The following PDZRN4 variants were observed in gnomAD, a reference collection of about 807,000 sequenced individuals.
PDZRN4 encodes PDZ domain containing ring finger 4, also known as PDZ domain-containing RING finger protein 4.
PDZRN4 carries 70 observed loss-of-function variants against 99.0 expected under a neutral mutation model. The observed-to-expected ratio is 0.71, with a 90% CI of 0.58 to 0.86. PDZRN4 has a LOEUF of 0.86. PDZRN4 is among the 40% of genes least tolerant of loss of function. The probability of loss-of-function intolerance (pLI) is 0.00; values close to 1 mark genes in which losing one functional copy is unlikely to be tolerated. For synonymous variants in PDZRN4, 551 were observed against 501.6 expected, an observed-to-expected ratio of 1.10 and a Z score of -1.32; for missense variants, 1,474 against 1,331.2, an observed-to-expected ratio of 1.11 and a Z score of -1.67.
chr12:41,208,774 T>C (rs771964944), intron 3 of PDZRN4, among the ~76,000 whole-genome samples: 1 of 151,992 alleles, frequency 6.6e-6, no homozygotes, highest in Non-Finnish European at 1.5e-5. Flanking sequence ...GTAGAAGGCA[T>C]TATTAAGGAA....
At chr12:41,223,724 G>A (rs1229099789) in intron 3 of PDZRN4, among the ~76,000 whole-genome samples, 1 of 152,176 alleles carries the variant, frequency 6.6e-6, no homozygotes, top group Non-Finnish European at 1.5e-5. Context: ...GCTAGCAAGA[G>A]GCGGAAAGAA....
intron 5 of PDZRN4, among the ~76,000 whole-genome samples, chr12:41,527,934 C>T (rs1475987584): frequency 6.6e-6 from 1 of 152,178 alleles, no homozygotes. Context: ...GATATTCATT[C>T]CAGACCAGTC....
chr12:41,258,441 A>G (rs1353909855), intron 3 of PDZRN4, among the ~76,000 whole-genome samples: 1 of 152,142 alleles, frequency 6.6e-6, no homozygotes, highest in Non-Finnish European at 1.5e-5. Flanking sequence ...AATCTGGAGT[A>G]AGAGTCATTG....
chr12:41,435,320 C>A (rs1395644457), intron 3 of PDZRN4, among the ~76,000 whole-genome samples: 1 of 152,126 alleles, frequency 6.6e-6, no homozygotes, highest in Non-Finnish European at 1.5e-5. Flanking sequence ...ACTGCATTTA[C>A]AGAGAAGAGA....
At chr12:41,317,048 GTA>G (rs33919115) in intron 3 of PDZRN4, among the ~76,000 whole-genome samples, 12,480 of 69,500 alleles carry the variant, frequency 0.18, 1,552 homozygotes, top group African/African-American at 0.27. Context: ...CTTACATAAA[GTA>G]TATATATATA....
chr12:41,383,522 A>G (rs1000921782), intron 3 of PDZRN4, among the ~76,000 whole-genome samples: 1 of 152,232 alleles, frequency 6.6e-6, no homozygotes, highest in African/African-American at 2.4e-5. Context: ...AATGTTTCAA[A>G]GAACTTCAGA....
At chr12:41,550,863 T>A (rs1282354504) in intron 5 of PDZRN4, among the ~76,000 whole-genome samples, 1 of 152,152 alleles carries the variant, frequency 6.6e-6, no homozygotes, top group Non-Finnish European at 1.5e-5. Flanking sequence ...TTAAACAGGT[T>A]ATTATCCACT....
At chr12:41,559,704 G>A (rs556879761) in intron 7 of PDZRN4, among the ~76,000 whole-genome samples, 11 of 152,118 alleles carry the variant, frequency 7.2e-5, no homozygotes, top group African/African-American at 2.4e-4. Flanking sequence ...ACATAAACTC[G>A]TTGATATGGT....
chr12:41,279,678 A>G (rs1161041321), intron 3 of PDZRN4, among the ~76,000 whole-genome samples: 2 of 152,214 alleles, frequency 1.3e-5, no homozygotes, highest in Admixed American at 1.3e-4. Flanking sequence ...TAGAAATCAA[A>G]CATATTACTA....
At chr12:41,321,605 A>T (rs1324866591) in intron 3 of PDZRN4, among the ~76,000 whole-genome samples, 3 of 152,128 alleles carry the variant, frequency 2.0e-5, no homozygotes, top group Non-Finnish European at 2.9e-5. Flanking sequence ...TAATCTATTT[A>T]TTCAGCTCAC....
chr12:41,318,615 G>A (rs1377362250), intron 3 of PDZRN4, among the ~76,000 whole-genome samples: 2 of 152,140 alleles, frequency 1.3e-5, no homozygotes, highest in Admixed American at 6.5e-5. Flanking sequence ...AAGAGCATTT[G>A]TATCACACTT....
intron 3 of PDZRN4, among the ~76,000 whole-genome samples, chr12:41,417,808 T>A (rs1219411373): frequency 6.6e-6 from 1 of 152,156 alleles, no homozygotes; most frequent in Non-Finnish European, 1.5e-5. Context: ...ATACAGTGTA[T>A]GTTGGTTAAA....
chr12:41,551,516 T>G (rs1474030587), intron 5 of PDZRN4, among the ~76,000 whole-genome samples: 5 of 152,130 alleles, frequency 3.3e-5, no homozygotes, highest in African/African-American at 9.7e-5. Flanking sequence ...TACAAAAATC[T>G]CTGTGCATCT....
intron 3 of PDZRN4, among the ~76,000 whole-genome samples, chr12:41,227,026 C>T (rs140462849): frequency 1.7e-4 from 26 of 152,182 alleles, no homozygotes; most frequent in Middle Eastern, 3.4e-3. Context: ...GCATCTTAAA[C>T]GGATAACTTT....
intron 3 of PDZRN4, among the ~76,000 whole-genome samples, chr12:41,310,238 A>G (rs549464711): frequency 6.8e-6 from 1 of 147,454 alleles, no homozygotes; most frequent in African/African-American, 2.5e-5. Flanking sequence ...CAGCCTTGTG[A>G]GGAACTTTCA....
chr12:41,230,199 C>T (rs1180233439), intron 3 of PDZRN4, among the ~76,000 whole-genome samples: 1 of 151,916 alleles, frequency 6.6e-6, no homozygotes, highest in Non-Finnish European at 1.5e-5. Context: ...GCAGAGTACA[C>T]ACGCTCTTTA....
chr12:41,304,383 G>T (rs571300703), intron 3 of PDZRN4, among the ~76,000 whole-genome samples: 2 of 152,220 alleles, frequency 1.3e-5, no homozygotes, highest in Non-Finnish European at 2.9e-5. Context: ...TTGATTTAGT[G>T]CTTATCTCAA....
At chr12:41,213,703 A>G (rs1950902194) in intron 3 of PDZRN4, among the ~76,000 whole-genome samples, 1 of 152,088 alleles carries the variant, frequency 6.6e-6, no homozygotes, top group African/African-American at 2.4e-5. Flanking sequence ...GATGACAATA[A>G]GGGACTCAGT....
At chr12:41,264,277 G>A (rs1021414077) in intron 3 of PDZRN4, among the ~76,000 whole-genome samples, 3 of 152,112 alleles carry the variant, frequency 2.0e-5, no homozygotes, top group Non-Finnish European at 4.4e-5. Flanking sequence ...ACTTCAACCT[G>A]AGTGTATACA....
Sources: allele counts gnomAD v4.1 joint callset (sites outside exome capture counted in the v4.1 genomes callset), GRCh38; gene constraint gnomAD v4.1.1; transcripts MANE v1.5; gene names NCBI Gene and HGNC (gene_info 2026-07-23, HGNC 2026-07-21).